SCAMP1: variants seen among roughly 807,000 people sequenced by gnomAD.
The protein encoded by SCAMP1 is secretory carrier-associated membrane protein 1.
A neutral mutation model predicts 41.8 loss-of-function variants in SCAMP1; 15 were observed. The ratio of observed to expected loss-of-function variants is 0.36; its 90% confidence interval spans 0.24 to 0.55. The LOEUF is 0.55. SCAMP1 is among the 20% of genes least tolerant of loss of function. SCAMP1 has a pLI of 0.86. For synonymous variants in SCAMP1, 135 were observed against 136.8 expected, an observed-to-expected ratio of 0.99 and a Z score of 0.09; for missense variants, 341 against 412.6, an observed-to-expected ratio of 0.83 and a Z score of 1.50.
intron 2 of SCAMP1, among the ~76,000 whole-genome samples, chr5:78,399,004 A>G (rs1400804817): frequency 3.9e-5 from 6 of 152,064 alleles, no homozygotes; most frequent in Admixed American, 3.9e-4. Flanking sequence ...CTTGGCAACC[A>G]CTAATCTTTT....
At chr5:78,434,759 CCTT>C (rs1752707493) in intron 6 of SCAMP1, among the ~76,000 whole-genome samples, 1 of 152,268 alleles carries the variant, frequency 6.6e-6, no homozygotes, top group Non-Finnish European at 1.5e-5. Flanking sequence ...TCAGATATCT[CCTT>C]CTGAAAAACT....
intron 8 of SCAMP1, among the ~76,000 whole-genome samples, chr5:78,460,919 A>G (rs568726222): frequency 6.6e-6 from 1 of 151,194 alleles, no homozygotes; most frequent in East Asian, 2.0e-4. Context: ...GCAGTGGCTC[A>G]ATCTCAGCTC....
intron 8 of SCAMP1, among the ~76,000 whole-genome samples, chr5:78,463,410 T>C (rs773176699): frequency 2.6e-5 from 4 of 152,374 alleles, no homozygotes; most frequent in Admixed American, 6.5e-5. Flanking sequence ...TCCCTTATTA[T>C]TTCAGTTTCT....
At chr5:78,400,324 T>C (rs1219058052) in intron 2 of SCAMP1, among the ~76,000 whole-genome samples, 2 of 152,234 alleles carry the variant, frequency 1.3e-5, no homozygotes, top group Non-Finnish European at 2.9e-5. Flanking sequence ...TATTCTTCTC[T>C]TTCCATATTG....
intron 1 of SCAMP1, among the ~76,000 whole-genome samples, chr5:78,362,894 A>G (rs1032926423): frequency 8.1e-6 from 1 of 123,906 alleles, no homozygotes; most frequent in African/African-American, 2.9e-5. Context: ...TTCTTTTTTT[A>G]CTTTTTTTTT....
At chr5:78,426,630 A>C (rs1752477065) in intron 6 of SCAMP1, among the ~76,000 whole-genome samples, 2 of 152,162 alleles carry the variant, frequency 1.3e-5, no homozygotes, top group Non-Finnish European at 1.5e-5. Context: ...ATTTTTAAGT[A>C]AATTAATAGA....
chr5:78,391,008 TTTTC>T (rs1411621220), intron 2 of SCAMP1, among the ~76,000 whole-genome samples: 2 of 151,326 alleles, frequency 1.3e-5, no homozygotes, highest in Non-Finnish European at 3.0e-5. Context: ...GCAGAAGAAT[TTTTC>T]TTAGTACAGA....
chr5:78,426,231 T>C (rs1752467650), intron 6 of SCAMP1, among the ~76,000 whole-genome samples: 1 of 152,244 alleles, frequency 6.6e-6, no homozygotes, highest in South Asian at 2.1e-4. Context: ...GTCTTTGCTG[T>C]TGTGAATAGT....
chr5:78,420,076 G>C (rs1160597548), intron 5 of SCAMP1, among the ~76,000 whole-genome samples: 2 of 151,908 alleles, frequency 1.3e-5, no homozygotes, highest in Non-Finnish European at 2.9e-5. Context: ...TTTATTTTGA[G>C]ACAGAGTCTT....
chr5:78,444,934 A>G, intron 6 of SCAMP1, among the ~76,000 whole-genome samples: 1 of 152,236 alleles, frequency 6.6e-6, no homozygotes, highest in East Asian at 1.9e-4. Flanking sequence ...CTTTGCCCAA[A>G]GTTACACAAC....
At chr5:78,404,776 T>C (rs1163841137) in intron 2 of SCAMP1, among the ~76,000 whole-genome samples, 1 of 152,068 alleles carries the variant, frequency 6.6e-6, no homozygotes, top group Non-Finnish European at 1.5e-5. Context: ...AAGAACAGAG[T>C]GCTCTGGTGT....
intron 8 of SCAMP1, among the ~76,000 whole-genome samples, chr5:78,464,220 T>G (rs1290661926): frequency 6.6e-6 from 1 of 152,148 alleles, no homozygotes; most frequent in Non-Finnish European, 1.5e-5. Context: ...CTCTGCTCAC[T>G]GCAGCCTCCA....
chr5:78,388,348 G>A (rs1751396952), intron 1 of SCAMP1, among the ~76,000 whole-genome samples: 1 of 152,238 alleles, frequency 6.6e-6, no homozygotes, highest in African/African-American at 2.4e-5. Context: ...ATAAACTACA[G>A]TAGAGATATT....
At chr5:78,449,379 TA>T (rs1224354388) in intron 6 of SCAMP1, among the ~76,000 whole-genome samples, 1 of 151,988 alleles carries the variant, frequency 6.6e-6, no homozygotes, top group Non-Finnish European at 1.5e-5. Context: ...CTGAGTAAAA[TA>T]AGCCAGACAA....
chr5:78,460,404 C>G (rs1753555111), intron 8 of SCAMP1, among the ~76,000 whole-genome samples: 1 of 152,118 alleles, frequency 6.6e-6, no homozygotes, highest in Non-Finnish European at 1.5e-5. Context: ...TCTCTGCATC[C>G]TTGCCAACAT....
intron 1 of SCAMP1, among the ~76,000 whole-genome samples, chr5:78,387,670 C>T (rs1336962980): frequency 6.6e-6 from 1 of 152,050 alleles, no homozygotes; most frequent in East Asian, 1.9e-4. Flanking sequence ...TGGTGCTCCT[C>T]CCTTTCCTGT....
rs555003825 is a variant in SCAMP1 at position 78,394,399 on chromosome 5, T to A, written c.135+5485T>A. On this transcript the variant is annotated intron_variant, in intron 2 of 8. Transcript: ENST00000621999. Reference sequence around the variant, plus strand: ...AAATGTTGAGTTAAATAATTTTATCTTTTTATAGACACAGGTTCTTGCTTT... The same window carrying A: ...AAATGTTGAGTTAAATAATTTTATCATTTTATAGACACAGGTTCTTGCTTT... Among the ~76,000 whole-genome samples the A allele has an allele frequency of 1.6e-4, 24 of 152,216 alleles. 1 individual carries two copies. The South Asian group carries it at 3.9e-3, about 25-fold the overall frequency.
intron 1 of SCAMP1, chr5:78,370,702 T>C (rs906490888): frequency 6.6e-6 from 1 of 152,216 alleles, no homozygotes; most frequent in African/African-American, 2.4e-5. Flanking sequence ...TACCTACAAG[T>C]GGAATTGCCT....
chr5:78,375,925 A>G (rs565752120), intron 1 of SCAMP1, among the ~76,000 whole-genome samples: 1 of 152,334 alleles, frequency 6.6e-6, no homozygotes, highest in South Asian at 2.1e-4. Flanking sequence ...TATTAGAAAA[A>G]AAGGAAAAAC....
Sources: allele counts gnomAD v4.1 joint callset (sites outside exome capture counted in the v4.1 genomes callset), GRCh38; gene constraint gnomAD v4.1.1; transcripts MANE v1.5; gene names NCBI Gene and HGNC (gene_info 2026-07-23, HGNC 2026-07-21).